The following ZFHX3 variants were observed in gnomAD, a reference collection of about 807,000 sequenced individuals.
ZFHX3 encodes the protein zinc finger homeobox protein 3.
Under a neutral mutation model 279.1 loss-of-function variants are expected in ZFHX3, and 42 were observed. The ratio of observed to expected loss-of-function variants is 0.15; its 90% CI spans 0.12 to 0.19. The LOEUF (loss-of-function observed/expected upper bound fraction) is 0.19. Among genes scored for constraint, ZFHX3 ranks in the 10% least tolerant of loss-of-function variants. ZFHX3 has a pLI of 1.00. For synonymous variants in ZFHX3, 2,293 were observed against 1,957.8 expected (o/e 1.17, Z -4.52); for missense variants, 4,981 against 4,754.0 (o/e 1.05, Z -1.40).
At chr16:73,202,152 T>G (rs1243985895) in intron 5 of ZFHX3, among the ~76,000 whole-genome samples, 1 of 152,228 alleles carries the variant, frequency 6.6e-6, no homozygotes, top group Non-Finnish European at 1.5e-5. Flanking sequence ...CCACCCATTC[T>G]TTGTCCCTGG....
At chr16:73,213,173 G>T (rs893804100) in intron 5 of ZFHX3, among the ~76,000 whole-genome samples, 1 of 152,176 alleles carries the variant, frequency 6.6e-6, no homozygotes, top group South Asian at 2.1e-4. Context: ...ATCTGGAAAG[G>T]CCTGAGGGAT....
intron 3 of ZFHX3, among the ~76,000 whole-genome samples, chr16:73,325,331 G>T (rs1199992445): frequency 6.6e-6 from 1 of 152,222 alleles, no homozygotes; most frequent in Non-Finnish European, 1.5e-5. Flanking sequence ...TCTGTATTAA[G>T]ATTGCCTAAA....
chr16:73,495,784 CA>C (rs1338614141), intron 2 of ZFHX3, among the ~76,000 whole-genome samples: 1 of 152,202 alleles, frequency 6.6e-6, no homozygotes, highest in East Asian at 1.9e-4. Flanking sequence ...GCTTAGTGGC[CA>C]AGTGGCTAAA....
intron 1 of ZFHX3, among the ~76,000 whole-genome samples, chr16:72,981,985 C>T (rs753646865): frequency 1.7e-4 from 26 of 150,770 alleles, no homozygotes; most frequent in Non-Finnish European, 3.2e-4. Context: ...CGGGTTCAAG[C>T]GATTCTCCTG....
intron 2 of ZFHX3, among the ~76,000 whole-genome samples, chr16:73,576,894 T>C (rs80017056): frequency 0.015 from 2,345 of 152,228 alleles, 70 homozygotes; most frequent in African/African-American, 0.052. Flanking sequence ...CACGCTCAAG[T>C]AGGCCCCAGT....
At chr16:73,627,693 T>C (rs1296970518) in intron 2 of ZFHX3, among the ~76,000 whole-genome samples, 1 of 151,968 alleles carries the variant, frequency 6.6e-6, no homozygotes, top group Admixed American at 6.5e-5. Context: ...CCGAGGCAGG[T>C]GGATCACGAG....
At chr16:73,783,626 T>C (rs1245380712) in intron 1 of ZFHX3, among the ~76,000 whole-genome samples, 2 of 152,238 alleles carry the variant, frequency 1.3e-5, no homozygotes, top group Admixed American at 6.5e-5. Context: ...GATTCATATA[T>C]TTTCTGTCCA....
chr16:73,869,418 G>T (rs1962107734), intron 1 of ZFHX3, among the ~76,000 whole-genome samples: 1 of 152,166 alleles, frequency 6.6e-6, no homozygotes, highest in Non-Finnish European at 1.5e-5. Context: ...CTAAGCAACT[G>T]CAGAGAACTG....
chr16:73,832,346 G>C (rs1160168929), intron 1 of ZFHX3, among the ~76,000 whole-genome samples: 2 of 151,946 alleles, frequency 1.3e-5, no homozygotes, highest in African/African-American at 4.8e-5. Context: ...GGGCTGCTTG[G>C]ACATAAGCCC....
chr16:73,094,925 G>A (rs912919922), intron 7 of ZFHX3, among the ~76,000 whole-genome samples: 5 of 152,090 alleles, frequency 3.3e-5, no homozygotes, highest in Admixed American at 6.5e-5. Flanking sequence ...AGCCAGGCTA[G>A]TCTCAAACTC....
intron 2 of ZFHX3, among the ~76,000 whole-genome samples, chr16:73,484,253 C>A (rs2018932726): frequency 6.6e-6 from 1 of 152,152 alleles, no homozygotes; most frequent in Non-Finnish European, 1.5e-5. Flanking sequence ...CAGAGAACAT[C>A]TCTTCCTGGA....
chr16:73,385,912 T>G (rs749794507), intron 3 of ZFHX3, among the ~76,000 whole-genome samples: 2 of 152,086 alleles, frequency 1.3e-5, no homozygotes, highest in Non-Finnish European at 2.9e-5. Flanking sequence ...TGCCTTGTGG[T>G]CAGGTGGCTG....
rs1425234823 is a variant in ZFHX3, at chr16:73,604,165, ATATAT to A, written c.-1547+76010_-1547+76014del. Among the ~76,000 whole-genome samples the A allele has an allele frequency of 5.9e-5, 9 of 152,238 alleles. No individual in the cohort carries two copies. The South Asian group carries it at 1.7e-3, about 28-fold the overall frequency. ...TGTTTATATATATAGATAGATATAG[ATATAT>A]TATATAAACAGAAAATTAAATGTGC... On this transcript the variant is annotated intron_variant, in intron 2 of 17. Transcript: ENST00000641206.
At chr16:72,884,187 A>C (rs2038566227) in intron 4 of ZFHX3, among the ~76,000 whole-genome samples, 1 of 152,246 alleles carries the variant, frequency 6.6e-6, no homozygotes, top group African/African-American at 2.4e-5. Flanking sequence ...TGGTTTAAAA[A>C]GTGATTCATC....
intron 2 of ZFHX3, among the ~76,000 whole-genome samples, chr16:73,631,919 TCTCTCTCTCACA>T (rs1183790679): frequency 6.4e-5 from 7 of 109,244 alleles, no homozygotes; most frequent in Admixed American, 2.4e-4. Flanking sequence ...TCTCTCTCTC[TCTCTCTCTCACA>T]CACACACACA....
At chr16:73,563,493 G>A (rs1227375526) in intron 2 of ZFHX3, among the ~76,000 whole-genome samples, 7 of 151,992 alleles carry the variant, frequency 4.6e-5, no homozygotes, top group Non-Finnish European at 4.4e-5. Context: ...TCCTGACCTC[G>A]TGATCCGCCC....
intron 1 of ZFHX3, among the ~76,000 whole-genome samples, chr16:72,968,881 T>C (rs1961972750): frequency 6.6e-6 from 1 of 152,094 alleles, no homozygotes; most frequent in African/African-American, 2.4e-5. Flanking sequence ...TCAAATGGGT[T>C]AGGAAAAAAT....
intron 4 of ZFHX3, among the ~76,000 whole-genome samples, chr16:72,864,887 C>G (rs1475632971): frequency 6.6e-6 from 1 of 152,136 alleles, no homozygotes; most frequent in Non-Finnish European, 1.5e-5. Context: ...ATTTATGAGC[C>G]GTGATGATGC....
chr16:73,653,230 A>G (rs1260883471), intron 2 of ZFHX3, among the ~76,000 whole-genome samples: 2 of 152,216 alleles, frequency 1.3e-5, no homozygotes, highest in Admixed American at 6.5e-5. Flanking sequence ...AACATGATTA[A>G]CAAACTTGAC....
Sources: allele counts gnomAD v4.1 joint callset (sites outside exome capture counted in the v4.1 genomes callset), GRCh38; gene constraint gnomAD v4.1.1; transcripts MANE v1.5; gene names NCBI Gene and HGNC (gene_info 2026-07-23, HGNC 2026-07-21).